EXOC6B: variants seen among roughly 807,000 people sequenced by gnomAD.
The protein encoded by EXOC6B is SEC15 homolog B.
EXOC6B carries 54 observed loss-of-function variants against 113.5 expected under a neutral mutation model. That is an observed-to-expected ratio of 0.48 (90% CI 0.38 to 0.60). The LOEUF is 0.60. EXOC6B is among the 20% of genes least tolerant of loss of function. The probability of loss-of-function intolerance (pLI) is 0.00; values close to 1 mark genes in which losing one functional copy is unlikely to be tolerated. For missense variants in EXOC6B, 797 were observed against 977.5 expected (o/e 0.82, Z 2.46); for synonymous variants, 357 against 339.0 (o/e 1.05, Z -0.58).
intron 6 of EXOC6B, among the ~76,000 whole-genome samples, chr2:72,603,521 A>G (rs1670559056): frequency 6.6e-6 from 1 of 152,174 alleles, no homozygotes; most frequent in African/African-American, 2.4e-5. Context: ...AGGAGGGAAC[A>G]GAGCAATCCC....
At chr2:72,515,256 A>G in intron 8 of EXOC6B, 130 bp from the exon 9 acceptor site, 2 of 940,436 alleles carry the variant, frequency 2.1e-6, no homozygotes, top group Admixed American at 2.5e-5. Flanking sequence ...CTATTTTAAC[A>G]TTGATGATAA....
chr2:72,355,719 C>A (rs1359829939), intron 19 of EXOC6B, among the ~76,000 whole-genome samples: 1 of 152,110 alleles, frequency 6.6e-6, no homozygotes, highest in South Asian at 2.1e-4. Context: ...AATTATAATT[C>A]AGAAGGATGA....
intron 20 of EXOC6B, among the ~76,000 whole-genome samples, chr2:72,202,146 A>G (rs947141280): frequency 6.6e-6 from 1 of 152,210 alleles, no homozygotes; most frequent in Non-Finnish European, 1.5e-5. Context: ...TCTGGTCTAT[A>G]TATGGCTTGT....
rs557706429 is a variant in EXOC6B at position 72,517,387 on chromosome 2, G to A, written c.916-2261C>T. Among the ~76,000 whole-genome samples, 4 of 152,224 alleles carry A rather than the reference G, an allele frequency of 2.6e-5. No homozygotes were observed. The South Asian group carries it at 8.3e-4, about 32-fold the overall frequency. On this transcript the variant is annotated intron_variant, in intron 8 of 21. Transcript: ENST00000272427. ...ATGGGTTATGGTTTGTTGAACCCTG[G>A]TGTAGCTTAAAAACAACAGTTTTAA...
At chr2:72,459,727 C>G (rs1697499061) in intron 18 of EXOC6B, among the ~76,000 whole-genome samples, 1 of 152,110 alleles carries the variant, frequency 6.6e-6, no homozygotes, top group Non-Finnish European at 1.5e-5. Flanking sequence ...AATGGAAGAA[C>G]ATTCCATGCT....
chr2:72,800,292 G>C (rs920998450), intron 1 of EXOC6B, among the ~76,000 whole-genome samples: 1 of 151,800 alleles, frequency 6.6e-6, no homozygotes, highest in African/African-American at 2.4e-5. Flanking sequence ...AATTTTTTGA[G>C]ATAAGCACTA....
In EXOC6B at chr2:72,177,452, G is replaced by A. The variant is rs893493320; in HGVS notation, c.*1883C>T. On this transcript the variant is annotated 3_prime_UTR_variant, in exon 22 of 22. Transcript: ENST00000272427. ...AGATTAATATAATCGTTTCTCACTT[G>A]TTTCAACAAAGATGAGAGCTTGGCG... 1 of 152,180 alleles carries A rather than the reference G, an allele frequency of 6.6e-6. No individual in the cohort carries two copies. The highest frequency in any genetic ancestry group is 2.4e-5 in the African/African-American group (1 of 41,446). 9.4% of individuals were successfully genotyped at this position (152,180 alleles called of 1,614,324 possible). A position where few individuals can be genotyped will look rare whatever the true frequency, so the allele number is the denominator to read the frequency against.
chr2:72,815,933 C>G (rs529688958), intron 1 of EXOC6B, among the ~76,000 whole-genome samples: 81 of 152,256 alleles, frequency 5.3e-4, no homozygotes, highest in African/African-American at 1.9e-3. Context: ...CCAAGGCGGT[C>G]GGATCATTTG....
At chr2:72,564,361 C>T (rs1253918904) in intron 7 of EXOC6B, among the ~76,000 whole-genome samples, 2 of 152,166 alleles carry the variant, frequency 1.3e-5, no homozygotes, top group African/African-American at 4.8e-5. Context: ...AAGAGTTTGA[C>T]AGAGATTTGC....
intron 6 of EXOC6B, among the ~76,000 whole-genome samples, chr2:72,694,261 T>C (rs1677704017): frequency 6.6e-6 from 1 of 151,920 alleles, no homozygotes; most frequent in Non-Finnish European, 1.5e-5. Flanking sequence ...CTGGCCAACA[T>C]GGGAATCCCA....
At chr2:72,224,723 G>A (rs937993758) in intron 20 of EXOC6B, among the ~76,000 whole-genome samples, 1 of 152,026 alleles carries the variant, frequency 6.6e-6, no homozygotes, top group East Asian at 1.9e-4. Flanking sequence ...TCAACCTCCT[G>A]TGCTCAAGTG....
At chr2:72,481,329 C>T (rs980018990) in intron 16 of EXOC6B, among the ~76,000 whole-genome samples, 1 of 152,114 alleles carries the variant, frequency 6.6e-6, no homozygotes. Flanking sequence ...TTTTGTATTC[C>T]CCCATATTAT....
At chr2:72,778,432 GA>G (rs1158840794) in intron 1 of EXOC6B, among the ~76,000 whole-genome samples, 1 of 152,160 alleles carries the variant, frequency 6.6e-6, no homozygotes, top group Non-Finnish European at 1.5e-5. Context: ...TAGAGGTTCA[GA>G]AAACTAGTAC....
chr2:72,368,799 TG>T, intron 19 of EXOC6B, among the ~76,000 whole-genome samples: 1 of 152,192 alleles, frequency 6.6e-6, no homozygotes, highest in East Asian at 1.9e-4. Context: ...AAAAGGCCTT[TG>T]AAAAAATTCA....
chr2:72,293,231 C>A (rs1201703590), intron 20 of EXOC6B, among the ~76,000 whole-genome samples: 7 of 152,084 alleles, frequency 4.6e-5, no homozygotes, highest in African/African-American at 1.7e-4. Context: ...TTGAGGCACA[C>A]AGAGCTGGAT....
intron 20 of EXOC6B, among the ~76,000 whole-genome samples, chr2:72,258,246 C>T (rs1683472412): frequency 1.3e-5 from 2 of 152,038 alleles, no homozygotes; most frequent in African/African-American, 4.8e-5. Context: ...AGTCTGTGAG[C>T]TCCTTAACGA....
chr2:72,492,040 T>A (rs964660680), intron 16 of EXOC6B, among the ~76,000 whole-genome samples: 5 of 152,108 alleles, frequency 3.3e-5, no homozygotes, highest in Non-Finnish European at 7.4e-5. Context: ...TTGTGTATAA[T>A]CAATGCCAGG....
At chr2:72,657,712 T>C (rs1043820042) in intron 6 of EXOC6B, among the ~76,000 whole-genome samples, 5 of 151,282 alleles carry the variant, frequency 3.3e-5, no homozygotes, top group African/African-American at 1.2e-4. Context: ...TCTCTGATGA[T>C]TTTGTGGAAT....
At chr2:72,549,091 A>AAT (rs1703065600) in intron 8 of EXOC6B, among the ~76,000 whole-genome samples, 1 of 152,084 alleles carries the variant, frequency 6.6e-6, no homozygotes, top group African/African-American at 2.4e-5. Flanking sequence ...GAAGGGAAAG[A>AAT]ATGAGAGGCA....
Sources: gnomAD v4.1 joint callset for allele counts (sites outside exome capture counted in the v4.1 genomes callset) on GRCh38, gnomAD v4.1.1 for gene constraint, MANE v1.5 for transcripts, NCBI Gene and HGNC (gene_info 2026-07-23, HGNC 2026-07-21) for gene names.